CNTNAP5: variants seen among roughly 807,000 people sequenced by gnomAD.
CNTNAP5 encodes contactin-associated protein-like 5.
CNTNAP5 carries 72 observed loss-of-function variants against 150.2 expected under a neutral mutation model. That is an observed-to-expected ratio of 0.48 (90% confidence interval 0.40 to 0.58). The LOEUF (loss-of-function observed/expected upper bound fraction) is 0.58, where lower values mean the gene tolerates loss of function less well. Ranked by LOEUF, CNTNAP5 falls within the 20% of genes least tolerant of loss-of-function variation. The pLI is 0.00. For missense variants in CNTNAP5, 1,636 were observed against 1,626.2 expected (o/e 1.01, Z -0.10); for synonymous variants, 672 against 619.8 (o/e 1.08, Z -1.25).
chr2:124,224,306 G>A (rs1686403461), intron 2 of CNTNAP5, among the ~76,000 whole-genome samples: 1 of 152,016 alleles, frequency 6.6e-6, no homozygotes, highest in Non-Finnish European at 1.5e-5. Flanking sequence ...GGCACAAATA[G>A]GCACAAACAG....
At chr2:124,294,331 A>G (rs549149786) in intron 3 of CNTNAP5, among the ~76,000 whole-genome samples, 10 of 152,332 alleles carry the variant, frequency 6.6e-5, no homozygotes, top group African/African-American at 2.4e-4. Flanking sequence ...AGTAATGAGA[A>G]GTATTATAAA....
At chr2:124,342,130 G>A (rs1247099806) in intron 3 of CNTNAP5, among the ~76,000 whole-genome samples, 1 of 152,140 alleles carries the variant, frequency 6.6e-6, no homozygotes, top group African/African-American at 2.4e-5. Flanking sequence ...TCTCTCTTCA[G>A]TCACTCTAAT....
At chr2:124,565,243 G>A (rs549571400) in intron 11 of CNTNAP5, among the ~76,000 whole-genome samples, 2 of 152,190 alleles carry the variant, frequency 1.3e-5, no homozygotes, top group East Asian at 3.9e-4. Flanking sequence ...TTAGTTGCCT[G>A]CAGAAACAAA....
chr2:124,359,220 G>A lies in CNTNAP5; in HGVS notation c.382-58223G>A, dbSNP rs377713778. Among the ~76,000 whole-genome samples the A allele has an allele frequency of 9.6e-3, 1,455 of 151,286 alleles. 7 individuals carry two copies. The highest frequency in any genetic ancestry group is 0.026 in the East Asian group (132 of 5,094). On this transcript the variant is annotated intron_variant, in intron 3 of 23. Transcript: ENST00000682447. ...TTTTTTCTTTATTAGTCTTGCTAGCGGTCTATCAATTTTGTTGATCCTTTC... is the reference window on the plus strand; with the variant it reads ...TTTTTTCTTTATTAGTCTTGCTAGCAGTCTATCAATTTTGTTGATCCTTTC...
At chr2:124,765,245 A>G (rs2104602265) in intron 16 of CNTNAP5, among the ~76,000 whole-genome samples, 1 of 152,276 alleles carries the variant, frequency 6.6e-6, no homozygotes, top group East Asian at 1.9e-4. Context: ...TTCTACTACA[A>G]TAATTTCAAC....
Position 124,446,846 on chromosome 2 carries a change from G to A in CNTNAP5, c.827G>A (p.Arg276Gln), listed in dbSNP as rs1231718018. ...DQHWHSVLIE[R>Q]VGKQVNFTVD... The stretch of plus-strand genomic sequence containing the variant: ...CACTGGCACTCGGTCCTCATTGAGC[G>A]GGTGGGCAAGCAGGTGAACTTCACG... Residue 276 changes from arginine to glutamine, a missense_variant, in exon 6 of 24, where the codon CGG becomes CAG. Arg to Gln is a conservative substitution (Grantham distance 43). Transcript: ENST00000682447. The A allele has an allele frequency of 9.3e-6, 15 of 1,613,910 alleles. No individual in the cohort carries two copies. Among genetic ancestry groups the A allele is most frequent in the East Asian group, 2.2e-5 (1 of 44,850 alleles).
At chr2:124,868,350 T>C (rs1677674590) in intron 20 of CNTNAP5, among the ~76,000 whole-genome samples, 1 of 152,190 alleles carries the variant, frequency 6.6e-6, no homozygotes, top group South Asian at 2.1e-4. Flanking sequence ...TCTGATTATA[T>C]GCCCTCTGGA....
chr2:124,192,264 C>G (rs1356078108), intron 1 of CNTNAP5, among the ~76,000 whole-genome samples: 1 of 152,164 alleles, frequency 6.6e-6, no homozygotes, highest in African/African-American at 2.4e-5. Flanking sequence ...GTTCGTTGTA[C>G]ATTCCATTCT....
At chr2:124,386,506 C>T (rs1048687339) in intron 3 of CNTNAP5, among the ~76,000 whole-genome samples, 102 of 152,218 alleles carry the variant, frequency 6.7e-4, no homozygotes, top group African/African-American at 2.4e-3. Context: ...GGCATTTCTG[C>T]CAAGAAATGT....
At chr2:124,739,035 C>A (rs972554964) in intron 13 of CNTNAP5, among the ~76,000 whole-genome samples, 1 of 152,254 alleles carries the variant, frequency 6.6e-6, no homozygotes, top group Non-Finnish European at 1.5e-5. Context: ...CATGAAGGAT[C>A]CCCATAGTCC....
chr2:124,598,914 C>T (rs1236008816), intron 11 of CNTNAP5, among the ~76,000 whole-genome samples: 2 of 151,814 alleles, frequency 1.3e-5, no homozygotes, highest in African/African-American at 4.8e-5. Context: ...TTTCCAGGTG[C>T]GTCCGTCACC....
chr2:124,461,833 C>G (rs576459967), intron 6 of CNTNAP5, among the ~76,000 whole-genome samples: 1 of 146,024 alleles, frequency 6.8e-6, no homozygotes, highest in South Asian at 2.2e-4. Context: ...TGCACTCCAG[C>G]CTGGGTGACA....
At chr2:124,695,672 C>T (rs926536991) in intron 13 of CNTNAP5, among the ~76,000 whole-genome samples, 2 of 152,098 alleles carry the variant, frequency 1.3e-5, no homozygotes, top group East Asian at 1.9e-4. Context: ...CTGTGTTAAT[C>T]GAAAGGAATC....
chr2:124,758,822 G>A (rs1292184005), intron 14 of CNTNAP5, among the ~76,000 whole-genome samples: 1 of 152,100 alleles, frequency 6.6e-6, no homozygotes, highest in Non-Finnish European at 1.5e-5. Context: ...GAAGTCAGAA[G>A]ATGAGATTCA....
chr2:124,163,323 A>C (rs992039812), intron 1 of CNTNAP5, among the ~76,000 whole-genome samples: 8 of 152,120 alleles, frequency 5.3e-5, no homozygotes, highest in Admixed American at 1.3e-4. Context: ...AGCCCTGGAG[A>C]ATAGGGCTAT....
intron 1 of CNTNAP5, among the ~76,000 whole-genome samples, chr2:124,164,136 T>C (rs1412331886): frequency 6.6e-6 from 1 of 152,192 alleles, no homozygotes; most frequent in Non-Finnish European, 1.5e-5. Flanking sequence ...CTTTCAGCCA[T>C]TCATTCAAAG....
intron 13 of CNTNAP5, among the ~76,000 whole-genome samples, chr2:124,661,209 A>G (rs1472811528): frequency 6.6e-6 from 1 of 152,102 alleles, no homozygotes; most frequent in Non-Finnish European, 1.5e-5. Context: ...TTTACTCTAT[A>G]AACATTTGCA....
intron 1 of CNTNAP5, among the ~76,000 whole-genome samples, chr2:124,210,270 G>A (rs1425704253): frequency 6.6e-6 from 1 of 152,098 alleles, no homozygotes; most frequent in African/African-American, 2.4e-5. Flanking sequence ...AAGACGAGAA[G>A]CTTTAAATAT....
At chr2:124,098,914 A>G (rs1023320681) in intron 1 of CNTNAP5, among the ~76,000 whole-genome samples, 3 of 152,206 alleles carry the variant, frequency 2.0e-5, no homozygotes, top group African/African-American at 7.2e-5. Context: ...CAGCCTGAAG[A>G]CACTGCACCA....
Sources: gnomAD v4.1 joint callset for allele counts (sites outside exome capture counted in the v4.1 genomes callset) on GRCh38, gnomAD v4.1.1 for gene constraint, MANE v1.5 for transcripts, NCBI Gene and HGNC (gene_info 2026-07-23, HGNC 2026-07-21) for gene names.